The following RAB35 variants were observed in gnomAD, a reference collection of about 807,000 sequenced individuals.
RAB35 encodes RAB35, member RAS oncogene family.
Under a neutral mutation model 28.9 loss-of-function variants are expected in RAB35, and 4 were observed. That is an observed-to-expected ratio of 0.14 (90% CI 0.07 to 0.32). The LOEUF (loss-of-function observed/expected upper bound fraction) is 0.32, where lower values mean the gene tolerates loss of function less well. Among genes scored for constraint, RAB35 ranks in the 10% least tolerant of loss-of-function variants. RAB35 has a pLI of 1.00. For missense variants in RAB35, 128 were observed against 274.0 expected (o/e 0.47, Z 3.76); for synonymous variants, 99 against 105.1 (o/e 0.94, Z 0.35).
rs548418318 is a variant in RAB35, at chr12:120,114,892, C to T, written c.52+1707G>A. Among the ~76,000 whole-genome samples the T allele has an allele frequency of 1.1e-4, 16 of 152,324 alleles. No individual in the cohort carries two copies. In the South Asian group the frequency reaches 3.3e-3, roughly 32 times the overall value. The stretch of plus-strand genomic sequence containing the variant: ...ATGTCTTGCAGAGGGATAAAGGCTC[C>T]TGACCACGGCGGGCTGTCACTCCAA... On this transcript the variant is annotated intron_variant, in intron 1 of 5. Coordinates refer to ENST00000229340, the MANE Select transcript of RAB35 (RefSeq NM_006861.7).
Position 120,098,874 on chromosome 12 carries a change from G to A in RAB35, c.414C>T (p.Phe138=), listed in dbSNP as rs376771110. ...ACAACTGGATGCCCATCTGCCCGGC[G>A]AATTTGTAGGCATCTTCCGTCTCCA... ...KVVETEDAYK[F]AGQMGIQLFE... is the part of the protein sequence containing the mutation. The change falls in exon 5 of 6, where the codon TTC becomes TTT. Residue 138 remains phenylalanine, a synonymous_variant. Transcript: ENST00000229340. 6.2e-6 allele frequency: 10 copies of A among 1,614,094 alleles called. No homozygotes were observed. Among genetic ancestry groups the A allele is most frequent in the Admixed American group, 1.7e-5 (1 of 60,010 alleles).
Position 120,103,925 on chromosome 12 carries a change from A to G in RAB35, c.128T>C (p.Val43Ala). ...FSGSYITTIG[V>A]DFKIRTVEIN... is the part of the protein sequence containing the mutation. ...CTCCACGGTCCGGATCTTGAAATCCACTCCGATCGTGGTGATGTAGCTGCC... is the reference window on the plus strand; with the variant it reads ...CTCCACGGTCCGGATCTTGAAATCCGCTCCGATCGTGGTGATGTAGCTGCC... The change falls in exon 3 of 6, where the codon GTG (valine) becomes GCG (alanine). Residue 43 changes from valine to alanine, a missense_variant. Transcript: ENST00000229340. The surrounding 1 kb of genome is among the most constrained non-coding windows in gnomAD (Gnocchi z 6.1). 1 of 1,613,592 alleles carries G rather than the reference A, an allele frequency of 6.2e-7. No homozygotes were observed. The highest frequency in any genetic ancestry group is 8.5e-7 in the Non-Finnish European group (1 of 1,179,908).
chr12:120,108,744 G>A, intron 1 of RAB35: 1 of 604,834 alleles, frequency 1.7e-6, no homozygotes, highest in Non-Finnish European at 3.1e-6. Context: ...CCAGGCCCTA[G>A]GCTGAGGGCT....
intron 3 of RAB35, among the ~76,000 whole-genome samples, chr12:120,100,584 C>G (rs1875617327): frequency 6.6e-6 from 1 of 152,216 alleles, no homozygotes; most frequent in South Asian, 2.1e-4. Flanking sequence ...TTCCCTGATG[C>G]TGCAGAGCCA....
intron 3 of RAB35, among the ~76,000 whole-genome samples, chr12:120,102,943 C>T (rs1056827532): frequency 5.3e-5 from 8 of 152,186 alleles, no homozygotes; most frequent in South Asian, 4.1e-4. Flanking sequence ...CCCTCCAGGG[C>T]GCCCTCTGTC....
In RAB35 at chr12:120,116,657, C is replaced by CG; in HGVS notation, c.-8dup. 8.2e-7 allele frequency: 1 copy of CG among 1,223,096 alleles called. No individual in the cohort carries two copies. The highest frequency in any genetic ancestry group is 4.1e-5 in the South Asian group (1 of 24,332). 75.8% of individuals were successfully genotyped at this position (1,223,096 alleles called of 1,614,324 possible). ...GGTCGTAGTCCCGGGCCATGGCGGG[C>CG]GGGGGCGGTGCGCGCGGGCGGGCGG... is the stretch of plus-strand genomic sequence containing the variant. On this transcript the variant is annotated 5_prime_UTR_variant, in exon 1 of 6. Coordinates refer to ENST00000229340, the MANE Select transcript of RAB35 (RefSeq NM_006861.7).
intron 1 of RAB35, among the ~76,000 whole-genome samples, chr12:120,111,842 C>T (rs1445884669): frequency 1.3e-5 from 2 of 152,130 alleles, no homozygotes; most frequent in African/African-American, 2.4e-5. Flanking sequence ...GAGGCTTCCT[C>T]GGAAACACAA....
intron 3 of RAB35, among the ~76,000 whole-genome samples, chr12:120,102,677 C>T (rs1183619312): frequency 2.0e-5 from 3 of 152,210 alleles, no homozygotes; most frequent in African/African-American, 4.8e-5. Context: ...TCCATGGGGG[C>T]GCTGCACCCC....
chr12:120,104,538 G>A (rs1055406316), intron 2 of RAB35, among the ~76,000 whole-genome samples: 20 of 152,302 alleles, frequency 1.3e-4, no homozygotes, highest in African/African-American at 4.3e-4. Context: ...TTCCAAGAAC[G>A]TGGACTTTCT....
rs191812146 is a variant in RAB35, at chr12:120,111,818, A to G, written c.53-3351T>C. ...CCCACCCCAAGAAACACTACCTCCT[A>G]AATATCCCTGGAAGAGGCTTCCTCG... On this transcript the variant is annotated intron_variant, in intron 1 of 5. Coordinates refer to ENST00000229340, the MANE Select transcript of RAB35 (RefSeq NM_006861.7). 2.5e-3 allele frequency among the ~76,000 whole-genome samples: 383 copies of G among 152,124 alleles called. 1 individual carries two copies. Among genetic ancestry groups the G allele is most frequent in the African/African-American group, 8.9e-3 (370 of 41,498 alleles).
intron 5 of RAB35, 98 bp from the exon 6 acceptor site, chr12:120,097,471 T>C (rs1272000329): frequency 4.0e-5 from 37 of 929,290 alleles, no homozygotes; most frequent in Non-Finnish European, 5.6e-5. Flanking sequence ...CCCAGCTCTT[T>C]CTACCTGTGC....
intron 2 of RAB35, among the ~76,000 whole-genome samples, chr12:120,105,658 T>C (rs1370610220): frequency 6.6e-6 from 1 of 150,818 alleles, no homozygotes; most frequent in Non-Finnish European, 1.5e-5. Context: ...GCGCGCTGGC[T>C]CACGCCTGTA....
In RAB35 at chr12:120,107,728, G is replaced by A. The variant is rs181996417; in HGVS notation, c.103+689C>T. On this transcript the variant is annotated intron_variant, in intron 2 of 5. Coordinates refer to ENST00000229340, the MANE Select transcript of RAB35 (RefSeq NM_006861.7). The stretch of plus-strand genomic sequence containing the variant: ...TTAAAAATATAAAAATTAGTCGGGC[G>A]TGGTGGCAGGTGCCTATAGTCCCAA... Among the ~76,000 whole-genome samples the A allele has an allele frequency of 5.9e-3, 901 of 151,834 alleles. 9 individuals are homozygous for A. The highest frequency in any genetic ancestry group is 0.02 in the African/African-American group (813 of 41,418).
intron 1 of RAB35, among the ~76,000 whole-genome samples, chr12:120,115,395 T>C (rs1053729014): frequency 2.6e-5 from 4 of 152,144 alleles, no homozygotes; most frequent in African/African-American, 7.2e-5. Context: ...CTGCCTCCAA[T>C]CATAAGACAT....
At chr12:120,105,438 G>A (rs1452267990) in intron 2 of RAB35, among the ~76,000 whole-genome samples, 2 of 152,164 alleles carry the variant, frequency 1.3e-5, no homozygotes, top group East Asian at 1.9e-4. Flanking sequence ...CCAGAAAGGC[G>A]AACTGAAAAC....
Position 120,095,342 on chromosome 12 carries a change from G to C in RAB35, c.*1903C>G, listed in dbSNP as rs945805099. On this transcript the variant is annotated 3_prime_UTR_variant, in exon 6 of 6. Coordinates refer to ENST00000229340, the MANE Select transcript of RAB35 (RefSeq NM_006861.7). ...CAAAATCACCCCAATACCTGGGGCT[G>C]ATGTCCAGCTGCCAGAAGCCATGGG... 1 of 151,054 alleles carries C rather than the reference G, an allele frequency of 6.6e-6. No individual in the cohort carries two copies. Among genetic ancestry groups the C allele is most frequent in the African/African-American group, 2.4e-5 (1 of 40,826 alleles). 9.4% of individuals were successfully genotyped at this position (151,054 alleles called of 1,614,324 possible).
chr12:120,103,713 C>T lies in RAB35; in HGVS notation c.227+113G>A, dbSNP rs1047181402. 41 of 1,478,110 alleles carry T rather than the reference C, an allele frequency of 2.8e-5. No homozygotes were observed. Among genetic ancestry groups the T allele is most frequent in the East Asian group, 7.0e-5 (3 of 42,950 alleles). 91.6% of individuals were successfully genotyped at this position (1,478,110 alleles called of 1,614,324 possible). ...TACAGCCAACAACAGGCTCACTTCC[C>T]GACAGCCTCAGGGACCCACCAGTGA... On this transcript the variant is annotated intron_variant, in intron 3 of 5. Coordinates refer to ENST00000229340, the MANE Select transcript of RAB35 (RefSeq NM_006861.7). The surrounding 1 kb of genome is among the most constrained non-coding windows in gnomAD (Gnocchi z 6.1).
In RAB35 at chr12:120,103,387, TG is replaced by T. The variant is rs1193606552; in HGVS notation, c.227+438del. Among the ~76,000 whole-genome samples the T allele has an allele frequency of 6.6e-6, 1 of 152,154 alleles. No individual in the cohort carries two copies. Among genetic ancestry groups the T allele is most frequent in the Non-Finnish European group, 1.5e-5 (1 of 68,026 alleles). On this transcript the variant is annotated intron_variant, in intron 3 of 5. Transcript: ENST00000229340. This position sits in a 1 kb window ranked among gnomAD's most constrained non-coding sequence, Gnocchi z 6.1. ...GACAGCGTCACTTCCAAGGCATCAG[TG>T]CAGGTGACGGGAGCCTGCACAGGCC...
rs3999541 is a variant in RAB35 at position 120,110,290 on chromosome 12, A to ATTTTTTTTTTTTTTTTTTTTTTTTTTTT, written c.53-1824_53-1823insAAAAAAAAAAAAAAAAAAAAAAAAAAAA. On this transcript the variant is annotated intron_variant, in intron 1 of 5. Coordinates refer to ENST00000229340, the MANE Select transcript of RAB35 (RefSeq NM_006861.7). Reference sequence around the variant, plus strand: ...TCTGTTCATGGGAGAAGCCCACAGCATTTTTTTTTTTTTTGGAGAGATAGG... The same window carrying ATTTTTTTTTTTTTTTTTTTTTTTTTTTT: ...TCTGTTCATGGGAGAAGCCCACAGCATTTTTTTTTTTTTTTTTTTTTTTTTTTTTTTTTTTTTTTTTTGGAGAGATAGG... Among the ~76,000 whole-genome samples, 71 of 88,566 alleles carry ATTTTTTTTTTTTTTTTTTTTTTTTTTTT rather than the reference A, an allele frequency of 8.0e-4. 14 individuals carry two copies. The highest frequency in any genetic ancestry group is 3.4e-3 in the East Asian group (8 of 2,346). The allele number at this position is 88,566 out of a possible 152,430, so 58.1% of individuals were successfully genotyped here.
Sources: allele counts gnomAD v4.1 joint callset (sites outside exome capture counted in the v4.1 genomes callset), GRCh38; gene constraint gnomAD v4.1.1; non-coding constraint Gnocchi (gnomAD v3.1); transcripts MANE v1.5; gene names NCBI Gene and HGNC (gene_info 2026-07-23, HGNC 2026-07-21).